The following UPF2 variants were observed in gnomAD, a reference collection of about 807,000 sequenced individuals.
UPF2 encodes UPF2 regulator of nonsense mediated mRNA decay, also known as regulator of nonsense transcripts 2.
Under a neutral mutation model 141.4 loss-of-function variants are expected in UPF2, and 17 were observed. That is an observed-to-expected ratio of 0.12 (90% CI 0.08 to 0.18). UPF2 has a LOEUF of 0.18. Among genes scored for constraint, UPF2 ranks in the 10% least tolerant of loss-of-function variants. The pLI, the probability that UPF2 is intolerant of heterozygous loss-of-function variation, is 1.00. For synonymous variants in UPF2, 540 were observed against 498.0 expected, an observed-to-expected ratio of 1.08 and a Z score of -1.12; for missense variants, 1,152 against 1,515.9, an observed-to-expected ratio of 0.76 and a Z score of 3.99.
chr10:11,983,472 A>G (rs1833633784), intron 8 of UPF2, among the ~76,000 whole-genome samples: 1 of 152,058 alleles, frequency 6.6e-6, no homozygotes, highest in Non-Finnish European at 1.5e-5. Flanking sequence ...TCCTGGGTTC[A>G]CGCCATTCTC....
intron 5 of UPF2, among the ~76,000 whole-genome samples, chr10:12,002,330 A>G (rs947378530): frequency 6.6e-6 from 1 of 152,212 alleles, no homozygotes; most frequent in African/African-American, 2.4e-5. Flanking sequence ...CTGATTATGT[A>G]TACCATTTGT....
At chr10:11,999,288 C>T (rs1036373584) in intron 7 of UPF2, among the ~76,000 whole-genome samples, 1 of 151,696 alleles carries the variant, frequency 6.6e-6, no homozygotes, top group Admixed American at 6.6e-5. Context: ...CCAAGGCAGG[C>T]GGATCACAAG....
At chr10:11,930,007 G>A (rs1412040688) in intron 20 of UPF2, 22 bp from the exon 21 acceptor site, 2 of 1,613,970 alleles carry the variant, frequency 1.2e-6, no homozygotes, top group Non-Finnish European at 1.7e-6. Context: ...AGCAAAAAAA[G>A]AGAATGCTGT....
rs371430949 is a variant in UPF2, at chr10:11,926,575, G to A, written c.3809+3290C>T. On this transcript the variant is annotated intron_variant, in intron 21 of 21. Transcript: ENST00000357604. ...GCAGAATCACAGATGCCAAGGAAGG[G>A]TCTGTTGGGAGAACAAGGAGGGCCT... Among the ~76,000 whole-genome samples the A allele has an allele frequency of 2.6e-5, 4 of 152,266 alleles. No individual in the cohort carries two copies. The East Asian group carries it at 5.8e-4, about 22-fold the overall frequency.
chr10:12,022,768 A>G (rs1319108710), intron 3 of UPF2, among the ~76,000 whole-genome samples: 1 of 152,242 alleles, frequency 6.6e-6, no homozygotes, highest in African/African-American at 2.4e-5. Context: ...AAGTAAAAGC[A>G]GTACCATTTC....
chr10:12,018,188 C>T (rs993772244), intron 3 of UPF2, among the ~76,000 whole-genome samples: 20 of 152,170 alleles, frequency 1.3e-4, no homozygotes, highest in African/African-American at 4.8e-4. Flanking sequence ...CGGCTAACGC[C>T]TGTAATCCTA....
At chr10:12,035,648 G>C in intron 1 of UPF2, 1 of 501,412 alleles carries the variant, frequency 2.0e-6, no homozygotes, top group Non-Finnish European at 3.1e-6. Flanking sequence ...CTATGTCTAA[G>C]TACTTGTTTT....
At chr10:11,966,693 G>C (rs539370540) in intron 10 of UPF2, among the ~76,000 whole-genome samples, 378 of 152,292 alleles carry the variant, frequency 2.5e-3, no homozygotes, top group Non-Finnish European at 4.1e-3. Flanking sequence ...CAAAGTGCTG[G>C]GATTAAAGGC....
Position 12,021,379 on chromosome 10 carries a change from A to AAAT in UPF2, c.1146-7196_1146-7195insATT, listed in dbSNP as rs112914825. 5.8e-4 allele frequency among the ~76,000 whole-genome samples: 85 copies of AAAT among 147,240 alleles called. 1 individual carries two copies. Among genetic ancestry groups the AAAT allele is most frequent in the African/African-American group, 6.3e-4 (25 of 39,938 alleles). On this transcript the variant is annotated intron_variant, in intron 3 of 21. Coordinates refer to ENST00000357604, the MANE Select transcript of UPF2 (RefSeq NM_015542.4). ...ACCAAGTCTCTACAAAAAAAAAAAAATTTTTTTAAATTAGCCAGGTGTGGT... is the reference window on the plus strand; with the variant it reads ...ACCAAGTCTCTACAAAAAAAAAAAAAAATTTTTTTTAAATTAGCCAGGTGTGGT...
rs964166686 is a variant in UPF2, at chr10:11,931,295, CTAA to C, written c.3688+343_3688+345del. 6.6e-6 allele frequency among the ~76,000 whole-genome samples: 1 copy of C among 152,136 alleles called. No individual in the cohort carries two copies. The highest frequency in any genetic ancestry group is 2.4e-5 in the African/African-American group (1 of 41,418). On this transcript the variant is annotated intron_variant, in intron 20 of 21. Transcript: ENST00000357604. This position sits in a 1 kb window ranked among gnomAD's most constrained non-coding sequence, Gnocchi z 5.9. ...GATGTTTGCACAATGATGAAATTGC[CTAA>C]TGTCACATTTTTTAGAATGCATCCC... is the stretch of plus-strand genomic sequence containing the variant.
At chr10:11,997,884 G>T in intron 7 of UPF2, 127 bp from the exon 8 acceptor site, 1 of 903,558 alleles carries the variant, frequency 1.1e-6, no homozygotes, top group Non-Finnish European at 1.7e-6. Flanking sequence ...AACTAGTATT[G>T]TTAGTATCAG....
intron 4 of UPF2, among the ~76,000 whole-genome samples, chr10:12,009,989 T>G (rs1377553567): frequency 6.6e-6 from 1 of 152,170 alleles, no homozygotes; most frequent in East Asian, 1.9e-4. Flanking sequence ...AGGAATAGTC[T>G]GTATACCCAC....
At chr10:11,990,379 G>C (rs767651929) in intron 8 of UPF2, among the ~76,000 whole-genome samples, 1 of 152,190 alleles carries the variant, frequency 6.6e-6, no homozygotes, top group Non-Finnish European at 1.5e-5. Flanking sequence ...ATGCAGAACA[G>C]GGAAACGGCC....
At chr10:11,952,028 A>T in intron 15 of UPF2, 38 bp downstream of exon 15, 1 of 1,584,726 alleles carries the variant, frequency 6.3e-7, no homozygotes, top group Non-Finnish European at 8.7e-7. Flanking sequence ...AATCTGCCAA[A>T]TATCACCTTC....
At chr10:11,976,131 C>T (rs1486834894) in intron 9 of UPF2, among the ~76,000 whole-genome samples, 1 of 152,166 alleles carries the variant, frequency 6.6e-6, no homozygotes, top group Non-Finnish European at 1.5e-5. Context: ...GTGAAATTAG[C>T]AAACCCATTG....
chr10:11,929,937 C>T lies in UPF2; in HGVS notation c.3737G>A (p.Arg1246His), dbSNP rs1303970241. 7 of 1,614,068 alleles carry T rather than the reference C, an allele frequency of 4.3e-6. No homozygotes were observed. The highest frequency in any genetic ancestry group is 1.7e-5 in the Admixed American group (1 of 59,998). The change falls in exon 21 of 22, where the codon CGT (arginine) becomes CAT (histidine). Residue 1246 changes from arginine (R) to histidine (H), a missense_variant. By Grantham distance (29) the Arg-to-His change is conservative. Coordinates refer to ENST00000357604, the MANE Select transcript of UPF2 (RefSeq NM_015542.4). ...AQRPAPANTNRERRPRYQHPK... is the reference protein window; with the variant it reads ...AQRPAPANTNHERRPRYQHPK... The stretch of plus-strand genomic sequence containing the variant: ...ATGTTGGTAGCGAGGCCGCCTCTCA[C>T]GATTGGTGTTTGCTGGAGCTGGGCG...
rs764457078 is a variant in UPF2, at chr10:11,956,273, T to C, written c.2574+47A>G. The C allele has an allele frequency of 6.4e-7, 1 of 1,560,720 alleles. No homozygotes were observed. Among genetic ancestry groups the C allele is most frequent in the Admixed American group, 1.7e-5 (1 of 59,738 alleles). On this transcript the variant is annotated intron_variant, in intron 13 of 21. Transcript: ENST00000357604. The surrounding 1 kb of genome is among the most constrained non-coding windows in gnomAD (Gnocchi z 4.2). ...TCAATAGTAACCTAGAAATAATAAA[T>C]TCTCCACGAATTCCAGTTGTGTGAC...
chr10:11,942,793 C>A, intron 17 of UPF2, 30 bp from the exon 18 acceptor site: 6 of 1,598,998 alleles, frequency 3.8e-6, no homozygotes, highest in Non-Finnish European at 5.1e-6. Flanking sequence ...AAAATCAGAC[C>A]AGAAATTTTA....
At chr10:11,955,050 C>T (rs974540010) in intron 14 of UPF2, among the ~76,000 whole-genome samples, 182 bp downstream of exon 14, 8 of 151,908 alleles carry the variant, frequency 5.3e-5, no homozygotes, top group Non-Finnish European at 1.2e-4. Context: ...TGAGAATGTT[C>T]ATACAATAGA....
Sources: gnomAD v4.1 joint callset for allele counts (sites outside exome capture counted in the v4.1 genomes callset) on GRCh38, gnomAD v4.1.1 for gene constraint, Gnocchi (gnomAD v3.1) non-coding constraint, MANE v1.5 for transcripts, NCBI Gene and HGNC (gene_info 2026-07-23, HGNC 2026-07-21) for gene names.